Variants in PRKCE observed in about 807,000 individuals in gnomAD.
PRKCE encodes protein kinase C epsilon.
Under a neutral mutation model 85.4 loss-of-function variants are expected in PRKCE, and 16 were observed. That is an observed-to-expected ratio of 0.19 (90% CI 0.13 to 0.28). PRKCE has a LOEUF of 0.28. Ranked by LOEUF, PRKCE falls within the 10% of genes least tolerant of loss-of-function variation. PRKCE has a pLI of 1.00. For synonymous variants in PRKCE, 388 were observed against 371.5 expected, an observed-to-expected ratio of 1.04 and a Z score of -0.51; for missense variants, 573 against 975.2, an observed-to-expected ratio of 0.59 and a Z score of 5.49.
rs543438840 is a variant in PRKCE, at chr2:46,068,643, G to A, written c.1438-17565G>A. ...TCAGATGTGTAGTTTAAGGATTGCC[G>A]TGAATTCAGAAGCAGAAGAATTCTC... On this transcript the variant is annotated intron_variant, in intron 10 of 14. Coordinates refer to ENST00000306156, the MANE Select transcript of PRKCE (RefSeq NM_005400.3). The surrounding 1 kb of genome is among the most constrained non-coding windows in gnomAD (Gnocchi z 4.3). Among the ~76,000 whole-genome samples the A allele has an allele frequency of 4.3e-4, 65 of 152,304 alleles. No individual in the cohort carries two copies. Among genetic ancestry groups the A allele is most frequent in the African/African-American group, 1.3e-3 (54 of 41,554 alleles).
intron 14 of PRKCE, among the ~76,000 whole-genome samples, chr2:46,175,558 G>A (rs1014139267): frequency 2.6e-5 from 4 of 152,290 alleles, no homozygotes; most frequent in African/African-American, 4.8e-5. Flanking sequence ...AGAAAATGGC[G>A]GCACAGAGAT....
chr2:45,668,163 A>G (rs1676003157), intron 1 of PRKCE, among the ~76,000 whole-genome samples: 1 of 152,084 alleles, frequency 6.6e-6, no homozygotes, highest in Admixed American at 6.5e-5. Flanking sequence ...CAACATGGAG[A>G]AACCCCGTCT....
chr2:45,727,578 C>T (rs1681186063), intron 1 of PRKCE, among the ~76,000 whole-genome samples: 1 of 152,174 alleles, frequency 6.6e-6, no homozygotes, highest in Admixed American at 6.5e-5. Flanking sequence ...TCATTTGCTC[C>T]CTGATGCCTT....
Position 45,834,090 on chromosome 2 carries a change from C to A in PRKCE, c.349-8910C>A, listed in dbSNP as rs111960589. ...CCAGCTCTCTGGGGCCATTTCTGAG[C>A]CTGCTAAAAAAGAGGAAGTAGGTGC... On this transcript the variant is annotated intron_variant, in intron 1 of 14. Transcript: ENST00000306156. 2.9e-3 allele frequency among the ~76,000 whole-genome samples: 442 copies of A among 152,278 alleles called. 3 individuals carry two copies. Among genetic ancestry groups the A allele is most frequent in the African/African-American group, 0.01 (421 of 41,564 alleles).
intron 1 of PRKCE, among the ~76,000 whole-genome samples, chr2:45,828,463 C>T (rs983354315): frequency 6.6e-6 from 1 of 152,136 alleles, no homozygotes; most frequent in South Asian, 2.1e-4. Context: ...CAAACTGTAT[C>T]CAACTAAGAA....
At chr2:46,174,111 A>G (rs949157023) in intron 14 of PRKCE, among the ~76,000 whole-genome samples, 4 of 152,254 alleles carry the variant, frequency 2.6e-5, no homozygotes, top group Non-Finnish European at 4.4e-5. Flanking sequence ...GGAATGAAGC[A>G]ACTTTCCCTC....
chr2:45,771,483 C>T (rs1023371496), intron 1 of PRKCE, among the ~76,000 whole-genome samples: 2 of 152,182 alleles, frequency 1.3e-5, no homozygotes, highest in African/African-American at 4.8e-5. Flanking sequence ...TCTCTCTCCA[C>T]AGTCCCCTGC....
At chr2:45,869,327 T>G (rs554409904) in intron 2 of PRKCE, among the ~76,000 whole-genome samples, 24 of 152,356 alleles carry the variant, frequency 1.6e-4, no homozygotes, top group African/African-American at 5.5e-4. Flanking sequence ...GGCCATATCT[T>G]CAGGGAAGAG....
intron 1 of PRKCE, among the ~76,000 whole-genome samples, chr2:45,820,372 G>A (rs1689433244): frequency 6.6e-6 from 1 of 152,010 alleles, no homozygotes; most frequent in African/African-American, 2.4e-5. Context: ...GATTCGAGGT[G>A]GAAGTAGGCC....
At chr2:45,992,186 G>A (rs1033809349) in intron 6 of PRKCE, among the ~76,000 whole-genome samples, 1 of 152,158 alleles carries the variant, frequency 6.6e-6, no homozygotes, top group African/African-American at 2.4e-5. Flanking sequence ...TGCCACAGGA[G>A]TGCTTTGGTT....
intron 2 of PRKCE, 31 bp downstream of exon 2, chr2:45,843,094 T>C (rs761727373): frequency 3.1e-5 from 50 of 1,601,220 alleles, no homozygotes; most frequent in Non-Finnish European, 3.7e-5. Flanking sequence ...ATCCCTGTTT[T>C]CTTCCATTGG....
At chr2:45,921,201 C>G (rs1365933267) in intron 2 of PRKCE, among the ~76,000 whole-genome samples, 1 of 152,236 alleles carries the variant, frequency 6.6e-6, no homozygotes, top group African/African-American at 2.4e-5. Context: ...GTCTTTTACA[C>G]AGCCAAGCCC....
At chr2:45,940,092 C>T (rs901770614) in intron 2 of PRKCE, among the ~76,000 whole-genome samples, 27 of 152,270 alleles carry the variant, frequency 1.8e-4, no homozygotes, top group African/African-American at 6.0e-4. Context: ...TTCTTTTTTG[C>T]GCTCACTTAC....
intron 10 of PRKCE, among the ~76,000 whole-genome samples, chr2:46,025,601 C>T (rs890739641): frequency 1.3e-5 from 2 of 152,208 alleles, no homozygotes; most frequent in Non-Finnish European, 2.9e-5. Context: ...CATACACGCT[C>T]ATGTGCTCCC....
chr2:45,669,624 C>CAGGA (rs1266372684), intron 1 of PRKCE, among the ~76,000 whole-genome samples: 1 of 152,128 alleles, frequency 6.6e-6, no homozygotes, highest in Non-Finnish European at 1.5e-5. Context: ...TCAGGGAGGG[C>CAGGA]AGGAAGAAAC....
chr2:46,132,703 C>G lies in PRKCE; in HGVS notation c.1593-12390C>G, dbSNP rs540621294. 3.5e-4 allele frequency among the ~76,000 whole-genome samples: 53 copies of G among 152,346 alleles called. 1 individual carries two copies. Among genetic ancestry groups the G allele is most frequent in the African/African-American group, 1.3e-3 (53 of 41,578 alleles). ...TTATTGGCATATATGCATATATGCACACGTGCGCGCACAAACACATTTCTT... is the reference window on the plus strand; with the variant it reads ...TTATTGGCATATATGCATATATGCAGACGTGCGCGCACAAACACATTTCTT... On this transcript the variant is annotated intron_variant, in intron 11 of 14. Transcript: ENST00000306156.
chr2:45,880,333 G>C (rs1282556992), intron 2 of PRKCE, among the ~76,000 whole-genome samples: 1 of 152,196 alleles, frequency 6.6e-6, no homozygotes, highest in Non-Finnish European at 1.5e-5. Flanking sequence ...AACCTGGGGA[G>C]GGGGATACAG....
chr2:45,899,176 AC>A (rs1433003667), intron 2 of PRKCE, among the ~76,000 whole-genome samples: 1 of 152,110 alleles, frequency 6.6e-6, no homozygotes, highest in Non-Finnish European at 1.5e-5. Context: ...CCTGGATTTG[AC>A]CTTCAGGAAA....
chr2:46,102,027 T>C (rs552122949), intron 11 of PRKCE, among the ~76,000 whole-genome samples: 1 of 146,864 alleles, frequency 6.8e-6, no homozygotes, highest in African/African-American at 2.5e-5. Context: ...TGGTGTGAGC[T>C]AGCTACAGGT....
Sources: allele counts gnomAD v4.1 joint callset (sites outside exome capture counted in the v4.1 genomes callset), GRCh38; gene constraint gnomAD v4.1.1; non-coding constraint Gnocchi (gnomAD v3.1); transcripts MANE v1.5; gene names NCBI Gene and HGNC (gene_info 2026-07-23, HGNC 2026-07-21).